The following DNAH1 variants were observed in gnomAD, a reference collection of about 807,000 sequenced individuals.
DNAH1 encodes the protein dynein axonemal heavy chain 1.
DNAH1 carries 327 observed loss-of-function variants against 484.3 expected under a neutral mutation model. The ratio of observed to expected loss-of-function variants is 0.68; its 90% CI spans 0.62 to 0.74. The LOEUF is 0.74. DNAH1 is among the 30% of genes least tolerant of loss of function. DNAH1 has a pLI of 0.00. For missense variants in DNAH1, 5,052 were observed against 5,546.8 expected (o/e 0.91, Z 2.83); for synonymous variants, 2,192 against 2,191.9 (o/e 1.00, Z 0.00).
At position 52,355,971 on chromosome 3, in the gene DNAH1, G is replaced by A. The variant is rs961643192; in HGVS notation, c.3694-643G>A. On this transcript the variant is annotated intron_variant, in intron 21 of 77. Coordinates refer to ENST00000420323, the MANE Select transcript of DNAH1 (RefSeq NM_015512.5). This position sits in a 1 kb window ranked among gnomAD's most constrained non-coding sequence, Gnocchi z 4.5. ...GCCCCTCGAGGGAAGGGACCAGGCC[G>A]CATTCCCCTGTTTCCCCTAGTGCCT... Among the ~76,000 whole-genome samples, 2 of 152,214 alleles carry A rather than the reference G, an allele frequency of 1.3e-5. No individual in the cohort carries two copies. Among genetic ancestry groups the A allele is most frequent in the Non-Finnish European group, 2.9e-5 (2 of 68,028 alleles).
In DNAH1 at chr3:52,345,509, C is replaced by T. The variant is rs1391517037; in HGVS notation, c.1459C>T (p.Pro487Ser). 18 of 1,566,956 alleles carry T rather than the reference C, an allele frequency of 1.1e-5. No individual in the cohort carries two copies. Among genetic ancestry groups the T allele is most frequent in the Admixed American group, 1.9e-5 (1 of 52,786 alleles). Residue 487 changes from proline (P) to serine (S), a missense_variant, in exon 10 of 78, where the codon CCC (proline) becomes TCC (serine). Pro to Ser is a moderately conservative substitution (Grantham distance 74). Around this residue, in one of 4 missense-constraint regions of DNAH1, gnomAD observed 1,263 missense variants for 1,218.8 expected, o/e 1.04. Transcript: ENST00000420323. ...QVPERGLVSVPKYHFWEQKED... is the reference protein window; with the variant it reads ...QVPERGLVSVSKYHFWEQKED... ...TATCCCTGCAGGGCTGGTGAGTGTC[C>T]CCAAGTACCACTTCTGGGAGCAGAA...
chr3:52,327,889 A>G lies in DNAH1; in HGVS notation c.746A>G (p.Asp249Gly). The G allele has an allele frequency of 6.2e-7, 1 of 1,613,538 alleles. No individual in the cohort carries two copies. The highest frequency in any genetic ancestry group is 1.3e-5 in the African/African-American group (1 of 75,054). ...TGGCCTGCTTTCTTCCAGGTATTTG[A>G]CAATGAGGACTTTGACTGCCGGACT... ...FPIYLPLKVF[D>G]NEDFDCRTPR... The change falls in exon 6 of 78, where the codon GAC becomes GGC. Residue 249 changes from aspartate (D) to glycine (G), a missense_variant. Transcript: ENST00000420323.
In DNAH1 at chr3:52,365,021, T is replaced by C. The variant is rs1177514093; in HGVS notation, c.5518+2T>C. 1 of 1,606,282 alleles carries C rather than the reference T, an allele frequency of 6.2e-7. No homozygotes were observed. Among genetic ancestry groups the C allele is most frequent in the South Asian group, 1.1e-5 (1 of 90,664 alleles). On this transcript the variant is annotated splice_donor_variant, in intron 34 of 77. Coordinates refer to ENST00000420323, the MANE Select transcript of DNAH1 (RefSeq NM_015512.5). LOFTEE classifies it high-confidence loss of function. ...ACAGCAACCTCAAGGATGTGGAGGG[T>C]GAGCCTCGGGCCCTGAGTGTTCGTG...
intron 20 of DNAH1, among the ~76,000 whole-genome samples, chr3:52,354,160 T>C (rs527967981): frequency 6.6e-6 from 1 of 151,858 alleles, no homozygotes; most frequent in South Asian, 2.1e-4. Flanking sequence ...AGACCCTGTC[T>C]CAAAACAAAA....
chr3:52,376,360 C>T (rs1432404671), intron 46 of DNAH1, among the ~76,000 whole-genome samples: 3 of 152,362 alleles, frequency 2.0e-5, no homozygotes, highest in East Asian at 1.9e-4. Flanking sequence ...GGGCAGGCAT[C>T]GTGGTGAATC....
chr3:52,336,800 T>G (rs192909034), intron 8 of DNAH1, among the ~76,000 whole-genome samples: 2 of 152,330 alleles, frequency 1.3e-5, no homozygotes, highest in Admixed American at 1.3e-4. Context: ...ATGTGTCTGT[T>G]TTTGTAACAG....
chr3:52,392,413 C>T lies in DNAH1; in HGVS notation c.10053-51C>T, dbSNP rs375862920. 9.0e-6 allele frequency: 14 copies of T among 1,560,474 alleles called. No individual in the cohort carries two copies. The African/African-American group carries it at 1.8e-4, about 20-fold the overall frequency. ...ATGGGTGACCAGGTTCACGACTAGC[C>T]CTCCGGGGCCCACCAGGTATTACAG... On this transcript the variant is annotated intron_variant, in intron 63 of 77. Transcript: ENST00000420323.
intron 56 of DNAH1, 108 bp from the exon 57 acceptor site, chr3:52,388,059 C>G (rs952570259): frequency 7.2e-7 from 1 of 1,394,224 alleles, no homozygotes; most frequent in South Asian, 1.4e-5. Flanking sequence ...GAGGCCTGCA[C>G]AGGGCATAAA....
intron 63 of DNAH1, 117 bp downstream of exon 63, chr3:52,391,720 C>T (rs1354272149): frequency 1.7e-6 from 2 of 1,209,318 alleles, no homozygotes; most frequent in East Asian, 2.5e-5. Flanking sequence ...AAAGTCTCCA[C>T]CAGTTTCACC....
At chr3:52,391,705 C>A in intron 63 of DNAH1, 102 bp downstream of exon 63, 1 of 1,390,022 alleles carries the variant, frequency 7.2e-7, no homozygotes, top group Non-Finnish European at 9.9e-7. Flanking sequence ...GACTTTCCCC[C>A]ACTCAAAGTC....
the DNAH1 span, among the ~76,000 whole-genome samples, chr3:52,311,198 C>T: frequency 6.6e-6 from 1 of 152,206 alleles, no homozygotes; most frequent in Non-Finnish European, 1.5e-5. Flanking sequence ...AGAGAAACAA[C>T]TGTGAGGCTC....
At position 52,379,016 on chromosome 3, in the gene DNAH1, G is replaced by A. The variant is rs1703724455; in HGVS notation, c.7377+236G>A. ...TCACATGAGAGAGCCAGGGCAAGAC[G>A]AGGGAGAAAGAGGGCTTCTGGTTTG... On this transcript the variant is annotated intron_variant, in intron 47 of 77. Transcript: ENST00000420323. This position sits in a 1 kb window ranked among gnomAD's most constrained non-coding sequence, Gnocchi z 4.4. 6.6e-6 allele frequency among the ~76,000 whole-genome samples: 1 copy of A among 152,180 alleles called. No individual in the cohort carries two copies. Among genetic ancestry groups the A allele is most frequent in the Non-Finnish European group, 1.5e-5 (1 of 68,034 alleles).
Position 52,322,498 on chromosome 3 carries a change from A to C in DNAH1, c.56A>C (p.Glu19Ala). Residue 19 changes from glutamate (E) to alanine (A), a missense_variant, in exon 2 of 78, where the codon GAG becomes GCG. By Grantham distance (107) the Glu-to-Ala change is moderately radical (BLOSUM62 -1). This residue lies in a region of DNAH1 where 1,263 missense variants were observed against 1,218.8 expected (regional missense o/e 1.04). Coordinates refer to ENST00000420323, the MANE Select transcript of DNAH1 (RefSeq NM_015512.5). Reference sequence around the variant, plus strand: ...CTGGGAAGGACCCCTCAGGGCCCAGAGTGCAGCAGTGCTCCTGCAGTCCAA... The same window carrying C: ...CTGGGAAGGACCCCTCAGGGCCCAGCGTGCAGCAGTGCTCCTGCAGTCCAA... ...YSLGRTPQGP[E>A]CSSAPAVQVG... The C allele has an allele frequency of 6.2e-7, 1 of 1,613,464 alleles. No homozygotes were observed.
At chr3:52,348,481 A>G (rs1450758389) in intron 12 of DNAH1, among the ~76,000 whole-genome samples, 3 of 151,962 alleles carry the variant, frequency 2.0e-5, no homozygotes, top group Non-Finnish European at 1.5e-5. Flanking sequence ...CTGCACACAC[A>G]CCCAGCTGCA....
At chr3:52,370,089 C>G (rs1309441666) in intron 38 of DNAH1, 21 bp from the exon 39 acceptor site, 2 of 1,613,948 alleles carry the variant, frequency 1.2e-6, no homozygotes, top group Admixed American at 1.7e-5. Flanking sequence ...GCCATGAGAA[C>G]TGGGTGCCTA....
At position 52,397,805 on chromosome 3, in the gene DNAH1, G is replaced by A. The variant is rs374930994; in HGVS notation, c.11886G>A (p.Thr3962=). The part of the protein sequence containing the change: ...NANITFAQNE[T]FALLGTIIQL... Reference sequence around the variant, plus strand: ...ACATCACCTTTGCCCAGAACGAGACGTTCGCCCTCCTGGGCACCATCATCC... The same window carrying A: ...ACATCACCTTTGCCCAGAACGAGACATTCGCCCTCCTGGGCACCATCATCC... The change falls in exon 74 of 78, where the codon ACG becomes ACA. Residue 3962 remains threonine (T), a synonymous_variant. Coordinates refer to ENST00000420323, the MANE Select transcript of DNAH1 (RefSeq NM_015512.5). The A allele has an allele frequency of 1.3e-4, 216 of 1,613,608 alleles. 1 individual carries two copies. In the African/African-American group the frequency reaches 1.6e-3, roughly 12 times the overall value.
At chr3:52,377,257 G>C (rs941313300) in intron 46 of DNAH1, among the ~76,000 whole-genome samples, 1 of 151,918 alleles carries the variant, frequency 6.6e-6, no homozygotes, top group African/African-American at 2.4e-5. Flanking sequence ...CATCCTTCCA[G>C]GTGCTCCCAG....
At position 52,364,747 on chromosome 3, in the gene DNAH1, C is replaced by G. The variant is rs765798923; in HGVS notation, c.5331+23C>G. 6.2e-7 allele frequency: 1 copy of G among 1,609,636 alleles called. No individual in the cohort carries two copies. The highest frequency in any genetic ancestry group is 1.3e-5 in the African/African-American group (1 of 74,872). ...GAGGTGAGCTCCACCCAGCAGGGCT[C>G]CAGGAGTGGAACTCTGGGAGGGCTC... On this transcript the variant is annotated intron_variant, in intron 33 of 77. Coordinates refer to ENST00000420323, the MANE Select transcript of DNAH1 (RefSeq NM_015512.5). This position sits in a 1 kb window ranked among gnomAD's most constrained non-coding sequence, Gnocchi z 4.2.
At chr3:52,352,858 TGA>T (rs2153224048) in intron 18 of DNAH1, among the ~76,000 whole-genome samples, 151 bp downstream of exon 18, 1 of 152,082 alleles carries the variant, frequency 6.6e-6, no homozygotes, top group African/African-American at 2.4e-5. Context: ...GCCCTCAGGT[TGA>T]GGAGGCCCCT....
Sources: gnomAD v4.1 joint callset for allele counts (sites outside exome capture counted in the v4.1 genomes callset) on GRCh38, gnomAD v4.1.1 for gene constraint, gnomAD v4.1.1 regional missense constraint, Gnocchi (gnomAD v3.1) non-coding constraint, MANE v1.5 for transcripts, NCBI Gene and HGNC (gene_info 2026-07-23, HGNC 2026-07-21) for gene names.